DZIP1L: variants seen among roughly 807,000 people sequenced by gnomAD.
The protein encoded by DZIP1L is DAZ interacting zinc finger protein 1 like.
Under a neutral mutation model 88.7 loss-of-function variants are expected in DZIP1L, and 90 were observed. That is an observed-to-expected ratio of 1.02 (90% CI 0.86 to 1.21). The LOEUF (loss-of-function observed/expected upper bound fraction) is 1.21, where lower values mean the gene tolerates loss of function less well. Among genes scored for constraint, DZIP1L ranks in the 50% most tolerant of loss-of-function variants. The pLI, the probability that DZIP1L is intolerant of heterozygous loss-of-function variation, is 0.00. For synonymous variants in DZIP1L, 363 were observed against 372.1 expected, an observed-to-expected ratio of 0.98 and a Z score of 0.28; for missense variants, 932 against 955.8, an observed-to-expected ratio of 0.98 and a Z score of 0.33.
In DZIP1L at chr3:138,064,641, C is replaced by T; in HGVS notation, c.2129G>A (p.Gly710Glu). The change falls in exon 15 of 16, where the codon GGA (glycine) becomes GAA (glutamate). Residue 710 changes from glycine to glutamate, a missense_variant. Physicochemically the swap from Gly to Glu is moderately conservative, Grantham distance 98 (BLOSUM62 -2). Transcript: ENST00000327532. ...NAGPQRAATP[G>E]RKPQLSEDES... ...CCTACATCCTACCTGAGGCTTCCTT[C>T]CTGGTGTGGCAGCCCTCTGTGGCCC... is the stretch of plus-strand genomic sequence containing the variant. 1 of 1,614,190 alleles carries T rather than the reference C, an allele frequency of 6.2e-7. No individual in the cohort carries two copies. The highest frequency in any genetic ancestry group is 8.5e-7 in the Non-Finnish European group (1 of 1,180,036).
In DZIP1L at chr3:138,103,918, G is replaced by A. The variant is rs2042403289; in HGVS notation, c.54C>T (p.Ala18=). Residue 18 remains alanine (A), a synonymous_variant, in exon 2 of 16, where the codon GCC becomes GCT. Coordinates refer to ENST00000327532, the MANE Select transcript of DZIP1L (RefSeq NM_173543.3). ...GAAACTTGAAGGTGGGGAACGTGTA[G>A]GCCCCAAAGAGGGGGCCACTGAGGC... ...AEGLSGPLFG[A]YTFPTFKFQP... The A allele has an allele frequency of 6.2e-7, 1 of 1,613,558 alleles. No homozygotes were observed. Among genetic ancestry groups the A allele is most frequent in the Non-Finnish European group, 8.5e-7 (1 of 1,180,054 alleles).
chr3:138,097,682 T>C lies in DZIP1L; in HGVS notation c.586+81A>G, dbSNP rs530976852. The C allele has an allele frequency of 4.5e-6, 6 of 1,322,338 alleles. No individual in the cohort carries two copies. The Admixed American group carries it at 6.0e-5, about 13-fold the overall frequency. 81.9% of individuals were successfully genotyped at this position (1,322,338 alleles called of 1,614,324 possible). A position where few individuals can be genotyped will look rare whatever the true frequency, so the allele number is the denominator to read the frequency against. On this transcript the variant is annotated intron_variant, in intron 3 of 15. Coordinates refer to ENST00000327532, the MANE Select transcript of DZIP1L (RefSeq NM_173543.3). ...GTTCTGAGAGCAGTTTTGGGTGCTATAGGTGGTCACCACCCACTGAATACC... is the reference window on the plus strand; with the variant it reads ...GTTCTGAGAGCAGTTTTGGGTGCTACAGGTGGTCACCACCCACTGAATACC...
chr3:138,114,611 C>T (rs1230785267), intron 1 of DZIP1L, among the ~76,000 whole-genome samples: 1 of 152,114 alleles, frequency 6.6e-6, no homozygotes, highest in South Asian at 2.1e-4. Flanking sequence ...GTCAGAACAC[C>T]CCATACTTCC....
intron 1 of DZIP1L, among the ~76,000 whole-genome samples, chr3:138,113,110 T>G (rs193150668): frequency 9.2e-5 from 14 of 152,286 alleles, no homozygotes; most frequent in Admixed American, 3.9e-4. Context: ...CAAACTTGCT[T>G]CATTGTTAAG....
At chr3:138,068,894 TA>T in intron 12 of DZIP1L, 1 of 1,245,946 alleles carries the variant, frequency 8.0e-7, no homozygotes, top group Non-Finnish European at 1.0e-6. Context: ...CATCAAGACC[TA>T]TAGCCACAAG....
At chr3:138,110,202 C>T (rs2042595216) in intron 1 of DZIP1L, among the ~76,000 whole-genome samples, 1 of 151,942 alleles carries the variant, frequency 6.6e-6, no homozygotes, top group South Asian at 2.1e-4. Context: ...ATCACAAGGA[C>T]AGAAAATCAA....
chr3:138,108,445 ACT>A (rs760774815), intron 1 of DZIP1L, among the ~76,000 whole-genome samples: 6 of 151,378 alleles, frequency 4.0e-5, no homozygotes, highest in Admixed American at 3.3e-4. Flanking sequence ...TCCATCAGCC[ACT>A]CTCTCTCTCA....
At chr3:138,069,848 T>C (rs1403161798) in intron 12 of DZIP1L, among the ~76,000 whole-genome samples, 1 of 151,944 alleles carries the variant, frequency 6.6e-6, no homozygotes, top group Non-Finnish European at 1.5e-5. Context: ...ACAGCACTTG[T>C]GGGACCCAGG....
At chr3:138,083,480 C>G (rs1273277836) in intron 8 of DZIP1L, among the ~76,000 whole-genome samples, 1 of 152,182 alleles carries the variant, frequency 6.6e-6, no homozygotes, top group Non-Finnish European at 1.5e-5. Flanking sequence ...TCAGCCTCGA[C>G]TGGGCAGAGA....
intron 1 of DZIP1L, among the ~76,000 whole-genome samples, chr3:138,114,283 C>G (rs2042659002): frequency 6.6e-6 from 1 of 152,246 alleles, no homozygotes; most frequent in African/African-American, 2.4e-5. Flanking sequence ...GACCAAATAT[C>G]AGCTCCATGG....
chr3:138,067,707 C>A lies in DZIP1L; in HGVS notation c.1833-7G>T. The A allele has an allele frequency of 1.3e-6, 2 of 1,537,508 alleles. No homozygotes were observed. The highest frequency in any genetic ancestry group is 2.2e-5 in the Admixed American group (1 of 45,412). The stretch of plus-strand genomic sequence containing the variant: ...AGAACTGAACGGGGGCGTGCTGCCA[C>A]GAGGAGGAGAAGAAATGAGGGATGC... On this transcript the variant is annotated splice_polypyrimidine_tract_variant and splice_region_variant and intron_variant, in intron 13 of 15. Transcript: ENST00000327532.
rs185772271 is a variant in DZIP1L, at chr3:138,070,371, C to T, written c.1615+1272G>A. Among the ~76,000 whole-genome samples, 312 of 152,326 alleles carry T rather than the reference C, an allele frequency of 2.0e-3. 4 individuals are homozygous for T. The highest frequency in any genetic ancestry group is 1.1e-3 in the Non-Finnish European group (72 of 68,026). On this transcript the variant is annotated intron_variant, in intron 12 of 15. Coordinates refer to ENST00000327532, the MANE Select transcript of DZIP1L (RefSeq NM_173543.3). Reference sequence around the variant, plus strand: ...CAGATTGGCAACCAGGACAAATACCCTTCTGTCTGAGATTTCTATGCAAGA... The same window carrying T: ...CAGATTGGCAACCAGGACAAATACCTTTCTGTCTGAGATTTCTATGCAAGA...
At chr3:138,090,546 C>T (rs765521797) in intron 5 of DZIP1L, among the ~76,000 whole-genome samples, 1 of 152,152 alleles carries the variant, frequency 6.6e-6, no homozygotes, top group South Asian at 2.1e-4. Flanking sequence ...GAAGCGCTTG[C>T]GTCATTTTAG....
intron 12 of DZIP1L, among the ~76,000 whole-genome samples, chr3:138,070,076 C>T (rs1943106726): frequency 6.6e-6 from 1 of 152,142 alleles, no homozygotes; most frequent in African/African-American, 2.4e-5. Context: ...AGCAAGATAC[C>T]TTTGCTTTCT....
intron 11 of DZIP1L, 138 bp downstream of exon 11, chr3:138,077,361 T>A (rs1943460138): frequency 1.5e-6 from 2 of 1,307,556 alleles, no homozygotes; most frequent in African/African-American, 2.9e-5. Flanking sequence ...GGCGTGCAGA[T>A]GCCAGAGGAG....
At chr3:138,101,954 A>C in intron 2 of DZIP1L, 5 of 1,536,734 alleles carry the variant, frequency 3.3e-6, no homozygotes, top group Non-Finnish European at 4.5e-6. Flanking sequence ...TGAGGCCCTC[A>C]ATCTCAGCCT....
rs1353300256 is a variant in DZIP1L at position 138,103,664 on chromosome 3, C to T, written c.308G>A (p.Cys103Tyr). 2 of 1,609,436 alleles carry T rather than the reference C, an allele frequency of 1.2e-6. No individual in the cohort carries two copies. The highest frequency in any genetic ancestry group is 1.1e-5 in the South Asian group (1 of 90,982). ...IIEYLLHCQD[C>Y]LSASVAQLEA... ...CAGCTGGGCAACACTGGCACTCAGG[C>T]AATCCTGGCAGTGCAGCAGGTACTC... is the stretch of plus-strand genomic sequence containing the variant. The change falls in exon 2 of 16, where the codon TGC (cysteine) becomes TAC (tyrosine). Residue 103 changes from cysteine (C) to tyrosine (Y), a missense_variant. Transcript: ENST00000327532.
intron 1 of DZIP1L, among the ~76,000 whole-genome samples, chr3:138,108,356 A>G (rs1389526338): frequency 1.3e-5 from 2 of 152,060 alleles, no homozygotes. Context: ...TCACCTGAGA[A>G]CTGCACTGTT....
In DZIP1L at chr3:138,103,862, C is replaced by T. The variant is rs758730826; in HGVS notation, c.110G>A (p.Arg37His). 47 of 1,613,982 alleles carry T rather than the reference C, an allele frequency of 2.9e-5. No individual in the cohort carries two copies. The highest frequency in any genetic ancestry group is 1.7e-4 in the Admixed American group (10 of 60,018). ...QPRHDSMDWRRISTLDVDRVA... is the reference protein window; with the variant it reads ...QPRHDSMDWRHISTLDVDRVA... ...GCGGTCTACATCCAGGGTGCTAATG[C>T]GTCTCCAGTCCATGCTATCATGGCG... The change falls in exon 2 of 16, where the codon CGC becomes CAC. Residue 37 changes from arginine to histidine, a missense_variant. Transcript: ENST00000327532.
Sources: gnomAD v4.1 joint callset for allele counts (sites outside exome capture counted in the v4.1 genomes callset) on GRCh38, gnomAD v4.1.1 for gene constraint, MANE v1.5 for transcripts, NCBI Gene and HGNC (gene_info 2026-07-23, HGNC 2026-07-21) for gene names.